The following KCNIP4 variants were observed in gnomAD, a reference collection of about 807,000 sequenced individuals.
The protein encoded by KCNIP4 is potassium voltage-gated channel interacting protein 4.
KCNIP4 carries 12 observed loss-of-function variants against 34.0 expected under a neutral mutation model. The observed-to-expected ratio is 0.35, with a 90% CI of 0.23 to 0.57. KCNIP4 has a LOEUF of 0.57. Among genes scored for constraint, KCNIP4 ranks in the 20% least tolerant of loss-of-function variants. KCNIP4 has a pLI of 0.83. For synonymous variants in KCNIP4, 124 were observed against 102.2 expected (o/e 1.21, Z -1.29); for missense variants, 238 against 311.7 (o/e 0.76, Z 1.78).
At chr4:21,275,621 AG>A (rs1156444644) in intron 1 of KCNIP4, among the ~76,000 whole-genome samples, 4 of 152,312 alleles carry the variant, frequency 2.6e-5, no homozygotes, top group African/African-American at 9.6e-5. Flanking sequence ...ACAGATAAGG[AG>A]GACTCTGAGC....
intron 1 of KCNIP4, among the ~76,000 whole-genome samples, chr4:21,328,238 G>A (rs1430276543): frequency 6.6e-6 from 1 of 152,152 alleles, no homozygotes; most frequent in African/African-American, 2.4e-5. Flanking sequence ...TTGGTGTTGT[G>A]ATCTAAATTT....
intron 1 of KCNIP4, among the ~76,000 whole-genome samples, chr4:21,686,395 G>A (rs1013783480): frequency 1.9e-4 from 29 of 151,992 alleles, no homozygotes; most frequent in South Asian, 4.2e-4. Context: ...TAATTTTACC[G>A]TATTTGAAGA....
intron 1 of KCNIP4, among the ~76,000 whole-genome samples, chr4:21,419,675 T>C (rs192725378): frequency 6.6e-6 from 1 of 152,206 alleles, no homozygotes. Flanking sequence ...CAGTAAAGCA[T>C]AGGAGGAAAA....
At chr4:20,978,421 T>G (rs549535564) in intron 1 of KCNIP4, among the ~76,000 whole-genome samples, 12 of 152,276 alleles carry the variant, frequency 7.9e-5, no homozygotes, top group African/African-American at 2.4e-4. Flanking sequence ...TTCAGTAACT[T>G]CTATTTACCA....
Position 21,532,686 on chromosome 4 carries a change from G to A in KCNIP4, c.61+415885C>T, listed in dbSNP as rs565226575. Among the ~76,000 whole-genome samples the A allele has an allele frequency of 9.9e-5, 15 of 152,236 alleles. 1 individual carries two copies. The South Asian group carries it at 3.1e-3, about 32-fold the overall frequency. On this transcript the variant is annotated intron_variant, in intron 1 of 8. Transcript: ENST00000382152. Reference sequence around the variant, plus strand: ...AGAGAAGGTTAAAATCAATCTGTATGTATGAACTTGCTGACAAGCTAGTGT... The same window carrying A: ...AGAGAAGGTTAAAATCAATCTGTATATATGAACTTGCTGACAAGCTAGTGT...
intron 1 of KCNIP4, among the ~76,000 whole-genome samples, chr4:21,483,380 A>T (rs358584): frequency 0.29 from 44,725 of 151,938 alleles, 6,710 homozygotes; most frequent in African/African-American, 0.33. Context: ...GTAGTCCCTG[A>T]TGCTACAGGT....
At chr4:21,510,496 G>GT (rs965335621) in intron 1 of KCNIP4, among the ~76,000 whole-genome samples, 28 of 151,038 alleles carry the variant, frequency 1.9e-4, no homozygotes, top group African/African-American at 3.9e-4. Context: ...GACAGTGGGT[G>GT]TTTTTTTTTA....
intron 1 of KCNIP4, among the ~76,000 whole-genome samples, chr4:21,288,786 A>G (rs1256523637): frequency 1.3e-5 from 2 of 152,170 alleles, no homozygotes; most frequent in Non-Finnish European, 2.9e-5. Context: ...TTTGCTGGCA[A>G]CTGCACCTAA....
chr4:21,273,698 A>G (rs1258832162), intron 1 of KCNIP4, among the ~76,000 whole-genome samples: 1 of 152,162 alleles, frequency 6.6e-6, no homozygotes, highest in Non-Finnish European at 1.5e-5. Flanking sequence ...TTCCACTTAC[A>G]CTAAAACCTG....
intron 5 of KCNIP4, among the ~76,000 whole-genome samples, chr4:20,743,492 C>T (rs1048164109): frequency 1.5e-4 from 23 of 152,146 alleles, no homozygotes; most frequent in African/African-American, 5.6e-4. Context: ...TGATCTTTGA[C>T]AAACCTGACA....
At chr4:21,820,247 A>G (rs1282768103) in intron 1 of KCNIP4, among the ~76,000 whole-genome samples, 1 of 147,672 alleles carries the variant, frequency 6.8e-6, no homozygotes, top group African/African-American at 2.5e-5. Flanking sequence ...ACACTAGATT[A>G]TAAGATATGT....
At chr4:21,242,709 A>G (rs1400014810) in intron 1 of KCNIP4, among the ~76,000 whole-genome samples, 1 of 152,138 alleles carries the variant, frequency 6.6e-6, no homozygotes, top group Non-Finnish European at 1.5e-5. Flanking sequence ...TAAGATTTAC[A>G]CCATTGGCTC....
intron 1 of KCNIP4, among the ~76,000 whole-genome samples, chr4:21,683,452 T>A (rs1323987395): frequency 8.1e-4 from 9 of 11,116 alleles, no homozygotes; most frequent in African/African-American, 4.0e-3. Flanking sequence ...CCAGATTTTT[T>A]TTTTTTTTTT....
At chr4:21,504,600 A>G (rs1170402895) in intron 1 of KCNIP4, among the ~76,000 whole-genome samples, 1 of 152,144 alleles carries the variant, frequency 6.6e-6, no homozygotes, top group East Asian at 1.9e-4. Flanking sequence ...TGTGTGGCTG[A>G]TCTAAGTTAG....
At chr4:21,235,709 A>G (rs1019748345) in intron 1 of KCNIP4, among the ~76,000 whole-genome samples, 1 of 152,224 alleles carries the variant, frequency 6.6e-6, no homozygotes, top group East Asian at 1.9e-4. Context: ...AACTTCTATG[A>G]GGCAAGGATT....
intron 1 of KCNIP4, among the ~76,000 whole-genome samples, chr4:21,054,019 T>TATTGACAAAATGTAGAC (rs1488099034): frequency 5.9e-5 from 9 of 152,156 alleles, no homozygotes; most frequent in Non-Finnish European, 4.4e-5. Flanking sequence ...ATTTTGTAGA[T>TATTGACAAAATGTAGAC]ATTGACAAAA....
chr4:21,368,003 C>T (rs923302537), intron 1 of KCNIP4, among the ~76,000 whole-genome samples: 1 of 147,142 alleles, frequency 6.8e-6, no homozygotes, highest in South Asian at 2.1e-4. Context: ...CTCTCAACAC[C>T]TCTTGCCAGG....
chr4:21,217,308 G>T (rs1475292549), intron 1 of KCNIP4, among the ~76,000 whole-genome samples: 1 of 152,116 alleles, frequency 6.6e-6, no homozygotes, highest in Non-Finnish European at 1.5e-5. Flanking sequence ...ATTACAAAAG[G>T]CATGAAAGCA....
At chr4:20,881,583 A>C (rs901687053) in intron 2 of KCNIP4, among the ~76,000 whole-genome samples, 8 of 152,310 alleles carry the variant, frequency 5.3e-5, no homozygotes, top group Admixed American at 3.3e-4. Flanking sequence ...TAAGTTATAT[A>C]GCATCTTTAT....
Sources: gnomAD v4.1 joint callset for allele counts (sites outside exome capture counted in the v4.1 genomes callset) on GRCh38, gnomAD v4.1.1 for gene constraint, MANE v1.5 for transcripts, NCBI Gene and HGNC (gene_info 2026-07-23, HGNC 2026-07-21) for gene names.